The following HIBADH variants were observed in gnomAD, a reference collection of about 807,000 sequenced individuals.
The protein encoded by HIBADH is 3-hydroxyisobutyrate dehydrogenase.
A neutral mutation model predicts 36.1 loss-of-function variants in HIBADH; 25 were observed. The observed-to-expected ratio is 0.69, with a 90% CI of 0.50 to 0.97. The LOEUF is 0.97. HIBADH is among the 50% of genes least tolerant of loss of function. HIBADH has a pLI of 0.00. For missense variants in HIBADH, 421 were observed against 418.0 expected (o/e 1.01, Z -0.06); for synonymous variants, 160 against 149.5 (o/e 1.07, Z -0.51).
At chr7:27,606,840 T>G (rs1049449226) in intron 4 of HIBADH, among the ~76,000 whole-genome samples, 1 of 152,206 alleles carries the variant, frequency 6.6e-6, no homozygotes, top group Non-Finnish European at 1.5e-5. Flanking sequence ...ACATTCCCAC[T>G]TTGGATAGTT....
chr7:27,649,272 A>C, intron 2 of HIBADH: 2 of 417,568 alleles, frequency 4.8e-6, no homozygotes, highest in Non-Finnish European at 8.3e-6. Flanking sequence ...CTGCCAAAGA[A>C]TAGATACCCC....
At chr7:27,566,037 G>A (rs1187088314) in intron 4 of HIBADH, among the ~76,000 whole-genome samples, 3 of 151,956 alleles carry the variant, frequency 2.0e-5, no homozygotes, top group Admixed American at 1.3e-4. Context: ...TGGCTGTATT[G>A]TTCTTTTTAT....
intron 2 of HIBADH, among the ~76,000 whole-genome samples, chr7:27,645,368 A>ATGGTTTTTTT (rs1554300959): frequency 2.5e-4 from 15 of 59,650 alleles, no homozygotes; most frequent in African/African-American, 9.5e-4. Flanking sequence ...CATGGTTTTG[A>ATGGTTTTTTT]TTTTTTTTTT....
rs941126980 is a variant in HIBADH at position 27,660,098 on chromosome 7, G to A, written c.91+2600C>T. ...AAGTTAAAAAGATGTGCTACTAACC[G>A]GCAACTTTCAGGTTTCATTTTTTTA... On this transcript the variant is annotated intron_variant, in intron 1 of 7. Transcript: ENST00000265395. Among the ~76,000 whole-genome samples, 37 of 152,162 alleles carry A rather than the reference G, an allele frequency of 2.4e-4. 1 individual carries two copies. The highest frequency in any genetic ancestry group is 8.4e-4 in the African/African-American group (35 of 41,504).
intron 4 of HIBADH, among the ~76,000 whole-genome samples, chr7:27,597,171 C>T (rs1324400157): frequency 2.0e-5 from 3 of 151,784 alleles, no homozygotes; most frequent in African/African-American, 7.3e-5. Context: ...ACCTGATGGC[C>T]CTATAATTCA....
intron 4 of HIBADH, among the ~76,000 whole-genome samples, chr7:27,623,617 C>G (rs1785584784): frequency 6.6e-6 from 1 of 151,670 alleles, no homozygotes. Context: ...GTGATCTAGC[C>G]GAGAAGAACA....
At chr7:27,622,847 A>T (rs185597281) in intron 4 of HIBADH, among the ~76,000 whole-genome samples, 1 of 152,290 alleles carries the variant, frequency 6.6e-6, no homozygotes, top group African/African-American at 2.4e-5. Flanking sequence ...TACCAAACTA[A>T]TACTAATCTT....
At position 27,537,418 on chromosome 7, in the gene HIBADH, G is replaced by A. The variant is rs114072671; in HGVS notation, c.695+923C>T. 3.0e-3 allele frequency among the ~76,000 whole-genome samples: 460 copies of A among 152,194 alleles called. 3 individuals carry two copies. Among genetic ancestry groups the A allele is most frequent in the African/African-American group, 0.01 (435 of 41,556 alleles). Reference sequence around the variant, plus strand: ...TACTGTGTTTTCAAAAATATCTCAAGTATGTTGGCTCTTTTTATTACTTTT... The same window carrying A: ...TACTGTGTTTTCAAAAATATCTCAAATATGTTGGCTCTTTTTATTACTTTT... On this transcript the variant is annotated intron_variant, in intron 6 of 7. Coordinates refer to ENST00000265395, the MANE Select transcript of HIBADH (RefSeq NM_152740.4).
intron 4 of HIBADH, among the ~76,000 whole-genome samples, chr7:27,619,661 G>T (rs1418214955): frequency 6.6e-6 from 1 of 151,944 alleles, no homozygotes; most frequent in Admixed American, 6.6e-5. Context: ...AGAACTTATT[G>T]GAGGAAATAT....
chr7:27,635,083 T>C (rs889776240), intron 2 of HIBADH, among the ~76,000 whole-genome samples: 1 of 100,712 alleles, frequency 9.9e-6, no homozygotes, highest in Non-Finnish European at 1.9e-5. Context: ...TCTCTCTCTG[T>C]GCATGTGTGT....
chr7:27,641,900 C>T (rs997422185), intron 2 of HIBADH, among the ~76,000 whole-genome samples: 5 of 152,098 alleles, frequency 3.3e-5, no homozygotes, highest in African/African-American at 4.8e-5. Flanking sequence ...CTCAGAGGAC[C>T]TCTTAGAGTC....
intron 2 of HIBADH, among the ~76,000 whole-genome samples, chr7:27,633,015 A>C (rs1230610132): frequency 6.6e-6 from 1 of 152,168 alleles, no homozygotes; most frequent in Non-Finnish European, 1.5e-5. Flanking sequence ...GGACATAAAC[A>C]CTTACTACAA....
intron 4 of HIBADH, among the ~76,000 whole-genome samples, chr7:27,591,158 C>T (rs1024133631): frequency 2.6e-5 from 4 of 152,174 alleles, no homozygotes; most frequent in Non-Finnish European, 4.4e-5. Flanking sequence ...ATCAAAACAT[C>T]ATTTAAAAAA....
chr7:27,551,946 G>T (rs1019933012), intron 4 of HIBADH, among the ~76,000 whole-genome samples: 2 of 152,182 alleles, frequency 1.3e-5, no homozygotes, highest in Non-Finnish European at 2.9e-5. Flanking sequence ...CTCACAAGGG[G>T]CTGCTGTCAC....
Position 27,571,554 on chromosome 7 carries a change from T to C in HIBADH, c.485-28454A>G, listed in dbSNP as rs373116944. 1.4e-4 allele frequency among the ~76,000 whole-genome samples: 21 copies of C among 152,336 alleles called. No homozygotes were observed. The East Asian group carries it at 3.1e-3, about 22-fold the overall frequency. ...TTTATTTCTTTAAATGTTTTATGTA[T>C]AGTCATTTCATACTCTGTTTTGGAA... On this transcript the variant is annotated intron_variant, in intron 4 of 7. Coordinates refer to ENST00000265395, the MANE Select transcript of HIBADH (RefSeq NM_152740.4).
chr7:27,532,958 A>G (rs1263844854), intron 6 of HIBADH, among the ~76,000 whole-genome samples: 4 of 152,366 alleles, frequency 2.6e-5, no homozygotes, highest in Non-Finnish European at 2.9e-5. Flanking sequence ...TTAATTTGCT[A>G]TAACTGCAAA....
chr7:27,619,955 G>C (rs979740245), intron 4 of HIBADH, among the ~76,000 whole-genome samples: 1 of 152,204 alleles, frequency 6.6e-6, no homozygotes, highest in East Asian at 1.9e-4. Flanking sequence ...TCAGATACAG[G>C]AGGTTCACCA....
chr7:27,526,507 A>G (rs1783900465), intron 7 of HIBADH, 135 bp from the exon 8 acceptor site: 2 of 600,590 alleles, frequency 3.3e-6, no homozygotes, highest in South Asian at 1.1e-4. Flanking sequence ...TACTATGGTA[A>G]GTTAACATTT....
At chr7:27,544,601 C>T (rs1784208055) in intron 4 of HIBADH, among the ~76,000 whole-genome samples, 1 of 152,116 alleles carries the variant, frequency 6.6e-6, no homozygotes, top group Non-Finnish European at 1.5e-5. Flanking sequence ...AATTATTTCG[C>T]TCAATTTCTA....
Sources: gnomAD v4.1 joint callset for allele counts (sites outside exome capture counted in the v4.1 genomes callset) on GRCh38, gnomAD v4.1.1 for gene constraint, MANE v1.5 for transcripts, NCBI Gene and HGNC (gene_info 2026-07-23, HGNC 2026-07-21) for gene names.